RPS6KA2: variants seen among roughly 807,000 people sequenced by gnomAD.
RPS6KA2 encodes the protein ribosomal protein S6 kinase alpha-2.
A neutral mutation model predicts 91.8 loss-of-function variants in RPS6KA2; 42 were observed. The ratio of observed to expected loss-of-function variants is 0.46; its 90% CI spans 0.36 to 0.59. RPS6KA2 has a LOEUF of 0.59. Among genes scored for constraint, RPS6KA2 ranks in the 20% least tolerant of loss-of-function variants. The pLI is 0.00. For missense variants in RPS6KA2, 798 were observed against 978.5 expected, an observed-to-expected ratio of 0.82 and a Z score of 2.46; for synonymous variants, 414 against 393.6, an observed-to-expected ratio of 1.05 and a Z score of -0.61.
intron 2 of RPS6KA2, among the ~76,000 whole-genome samples, chr6:166,675,357 C>G (rs906883686): frequency 6.6e-6 from 1 of 152,222 alleles, no homozygotes; most frequent in Non-Finnish European, 1.5e-5. Flanking sequence ...TCCCTCTCCC[C>G]CAGCCCAACC....
intron 1 of RPS6KA2, among the ~76,000 whole-genome samples, chr6:166,556,567 C>T (rs1171351944): frequency 6.6e-6 from 1 of 152,148 alleles, no homozygotes; most frequent in Non-Finnish European, 1.5e-5. Flanking sequence ...CCACCACTAA[C>T]CTATAGGAAT....
At chr6:166,467,957 C>T (rs1174580372) in intron 11 of RPS6KA2, among the ~76,000 whole-genome samples, 4 of 152,228 alleles carry the variant, frequency 2.6e-5, no homozygotes, top group Non-Finnish European at 5.9e-5. Flanking sequence ...ACCTTAACCA[C>T]TGGCAGGCAG....
At chr6:166,668,747 T>C (rs1419551649) in intron 2 of RPS6KA2, among the ~76,000 whole-genome samples, 1 of 152,208 alleles carries the variant, frequency 6.6e-6, no homozygotes, top group Non-Finnish European at 1.5e-5. Flanking sequence ...AACCAGAAAC[T>C]GGTTCCAATA....
intron 14 of RPS6KA2, among the ~76,000 whole-genome samples, chr6:166,438,638 C>T (rs369295848): frequency 7.2e-5 from 11 of 152,186 alleles, no homozygotes; most frequent in South Asian, 2.1e-4. Flanking sequence ...TTCTCCTGCA[C>T]GAGCTTTCAG....
intron 2 of RPS6KA2, among the ~76,000 whole-genome samples, chr6:166,811,145 C>T (rs971919368): frequency 1.3e-5 from 2 of 152,120 alleles, no homozygotes; most frequent in Admixed American, 1.3e-4. Flanking sequence ...TGCGGGTGCT[C>T]CAAGAGATGG....
At chr6:166,836,474 C>A (rs1444628051) in intron 2 of RPS6KA2, among the ~76,000 whole-genome samples, 1 of 109,376 alleles carries the variant, frequency 9.1e-6, no homozygotes, top group African/African-American at 3.5e-5. Flanking sequence ...TATTTTTCTA[C>A]CTCCAAGTTT....
chr6:166,703,141 A>G (rs1338713197), intron 2 of RPS6KA2, among the ~76,000 whole-genome samples: 1 of 152,236 alleles, frequency 6.6e-6, no homozygotes, highest in Non-Finnish European at 1.5e-5. Flanking sequence ...ATGCTCATCT[A>G]CCAAGCAATA....
chr6:166,773,843 A>G (rs1778543384), intron 2 of RPS6KA2, among the ~76,000 whole-genome samples: 1 of 152,244 alleles, frequency 6.6e-6, no homozygotes. Flanking sequence ...TTGAGATGAC[A>G]TAAAACGCTT....
In RPS6KA2 at chr6:166,608,776, T is replaced by C. The variant is rs77604984; in HGVS notation, c.99+18145A>G. 1.4e-4 allele frequency among the ~76,000 whole-genome samples: 22 copies of C among 152,326 alleles called. No individual in the cohort carries two copies. In the East Asian group the frequency reaches 4.2e-3, roughly 29 times the overall value. On this transcript the variant is annotated intron_variant, in intron 1 of 20. Coordinates refer to ENST00000265678, the MANE Select transcript of RPS6KA2 (RefSeq NM_021135.6). ...TTTTTAGGGCTCCAGTCCTGGCCCA[T>C]CGTGGATGGTGAGATATTCTTTAGA...
intron 1 of RPS6KA2, among the ~76,000 whole-genome samples, chr6:166,621,990 T>A (rs927245788): frequency 6.6e-6 from 1 of 152,202 alleles, no homozygotes; most frequent in African/African-American, 2.4e-5. Flanking sequence ...AGAAACAGAA[T>A]GAAATTCCAG....
chr6:166,640,087 G>A (rs1195548593), intron 2 of RPS6KA2, among the ~76,000 whole-genome samples: 3 of 152,266 alleles, frequency 2.0e-5, no homozygotes, highest in African/African-American at 4.8e-5. Context: ...GAGGCTCTAG[G>A]AGGTTAACAC....
intron 1 of RPS6KA2, among the ~76,000 whole-genome samples, chr6:166,579,635 A>G (rs1443427457): frequency 6.6e-6 from 1 of 152,234 alleles, no homozygotes; most frequent in Non-Finnish European, 1.5e-5. Context: ...GATTCAGGCC[A>G]TTAGGAAACG....
chr6:166,421,262 T>C (rs1218482849), intron 17 of RPS6KA2, among the ~76,000 whole-genome samples: 1 of 152,118 alleles, frequency 6.6e-6, no homozygotes, highest in Admixed American at 6.5e-5. Context: ...GCTTTGTAAA[T>C]GGCAAAGGAA....
chr6:166,526,603 G>A lies in RPS6KA2; in HGVS notation c.298+4629C>T, dbSNP rs111785814. Among the ~76,000 whole-genome samples, 823 of 152,184 alleles carry A rather than the reference G, an allele frequency of 5.4e-3. 4 individuals carry two copies. Among genetic ancestry groups the A allele is most frequent in the African/African-American group, 0.019 (775 of 41,502 alleles). ...GGGCTCAAGCAATCTTCCCACCTCT[G>A]CCCCCTAAAGTGCTGGGATTACAGG... is the stretch of plus-strand genomic sequence containing the variant. On this transcript the variant is annotated intron_variant, in intron 3 of 20. Transcript: ENST00000265678.
At chr6:166,706,342 G>A (rs887051157) in intron 2 of RPS6KA2, among the ~76,000 whole-genome samples, 2 of 152,180 alleles carry the variant, frequency 1.3e-5, no homozygotes, top group African/African-American at 4.8e-5. Context: ...CACAGCAAGA[G>A]AAATGTAAAT....
intron 2 of RPS6KA2, among the ~76,000 whole-genome samples, chr6:166,634,032 G>A (rs961663500): frequency 1.3e-5 from 2 of 152,194 alleles, no homozygotes; most frequent in African/African-American, 2.4e-5. Flanking sequence ...ACACTGTGTG[G>A]GCAGAGTGTG....
chr6:166,859,477 CAT>C (rs1198187432), intron 1 of RPS6KA2, among the ~76,000 whole-genome samples: 1 of 152,184 alleles, frequency 6.6e-6, no homozygotes, highest in Non-Finnish European at 1.5e-5. Context: ...TGAAATACTA[CAT>C]GTTTCTTTTT....
chr6:166,520,147 G>C (rs1244249824), intron 3 of RPS6KA2, among the ~76,000 whole-genome samples: 1 of 152,170 alleles, frequency 6.6e-6, no homozygotes, highest in African/African-American at 2.4e-5. Context: ...CTTGGACTGA[G>C]ACTTAAACCA....
chr6:166,553,029 T>G (rs949263256), intron 1 of RPS6KA2, among the ~76,000 whole-genome samples: 1 of 152,232 alleles, frequency 6.6e-6, no homozygotes, highest in Non-Finnish European at 1.5e-5. Context: ...GAACACACAC[T>G]TATATAATAT....
Sources: gnomAD v4.1 joint callset for allele counts (sites outside exome capture counted in the v4.1 genomes callset) on GRCh38, gnomAD v4.1.1 for gene constraint, MANE v1.5 for transcripts, NCBI Gene and HGNC (gene_info 2026-07-23, HGNC 2026-07-21) for gene names.